The following SLC9A9 variants were observed in gnomAD, a reference collection of about 807,000 sequenced individuals.
SLC9A9 encodes sodium/hydrogen exchanger 9.
SLC9A9 carries 62 observed loss-of-function variants against 77.8 expected under a neutral mutation model. That is an observed-to-expected ratio of 0.80 (90% CI 0.65 to 0.98). The LOEUF is 0.98. Among genes scored for constraint, SLC9A9 ranks in the 50% least tolerant of loss-of-function variants. The probability of loss-of-function intolerance (pLI) is 0.00; values close to 1 mark genes in which losing one functional copy is unlikely to be tolerated. For missense variants in SLC9A9, 775 were observed against 774.9 expected (o/e 1.00, Z 0.00); for synonymous variants, 320 against 283.5 (o/e 1.13, Z -1.29).
chr3:143,698,699 C>T (rs887438651), intron 4 of SLC9A9, among the ~76,000 whole-genome samples: 1 of 150,824 alleles, frequency 6.6e-6, no homozygotes, highest in African/African-American at 2.5e-5. Context: ...CCTCCTCCTC[C>T]CTCTTCTTTT....
intron 14 of SLC9A9, among the ~76,000 whole-genome samples, chr3:143,308,691 C>A (rs772508113): frequency 2.0e-5 from 3 of 152,058 alleles, no homozygotes; most frequent in Non-Finnish European, 4.4e-5. Flanking sequence ...CTGTGAAGCT[C>A]GCCATGGTGA....
chr3:143,352,279 T>A (rs1009797022), intron 14 of SLC9A9, among the ~76,000 whole-genome samples: 2 of 152,172 alleles, frequency 1.3e-5, no homozygotes, highest in African/African-American at 4.8e-5. Flanking sequence ...AGTGAGGAAA[T>A]AAAGCTGCTA....
rs542670603 is a variant in SLC9A9, at chr3:143,491,158, C to G, written c.1315+2495G>C. 2.0e-5 allele frequency among the ~76,000 whole-genome samples: 3 copies of G among 152,216 alleles called. No homozygotes were observed. In the South Asian group the frequency reaches 6.2e-4, roughly 32 times the overall value. On this transcript the variant is annotated intron_variant, in intron 11 of 15. Transcript: ENST00000316549. ...ATGCTCAGTATGGAAAACACTGGGT[C>G]GCATTCTCTGGACATCAGAGTCATA...
intron 4 of SLC9A9, among the ~76,000 whole-genome samples, chr3:143,759,697 G>A (rs566189356): frequency 7.3e-5 from 11 of 151,610 alleles, no homozygotes; most frequent in African/African-American, 2.7e-4. Flanking sequence ...CACTTACAAT[G>A]AGAGTCAACT....
At chr3:143,647,922 G>T (rs992537012) in intron 6 of SLC9A9, among the ~76,000 whole-genome samples, 4 of 152,090 alleles carry the variant, frequency 2.6e-5, no homozygotes, top group Admixed American at 2.6e-4. Flanking sequence ...TGTAAAAATG[G>T]TTATTCTCTA....
chr3:143,781,928 G>A (rs2007895486), intron 4 of SLC9A9, among the ~76,000 whole-genome samples: 1 of 152,112 alleles, frequency 6.6e-6, no homozygotes, highest in South Asian at 2.1e-4. Context: ...TCCTTTTATT[G>A]GGGCCATTTC....
chr3:143,719,126 G>T (rs552272556), intron 4 of SLC9A9, among the ~76,000 whole-genome samples: 1 of 152,292 alleles, frequency 6.6e-6, no homozygotes, highest in South Asian at 2.1e-4. Flanking sequence ...TTACTGAGAA[G>T]CTTTATCTGT....
chr3:143,578,555 C>G (rs776204018), intron 7 of SLC9A9, 30 bp downstream of exon 7: 2 of 1,613,486 alleles, frequency 1.2e-6, no homozygotes, highest in African/African-American at 2.7e-5. Flanking sequence ...TCTTGACAGT[C>G]CCAGCTTTCC....
intron 9 of SLC9A9, chr3:143,503,192 T>A (rs537857120): frequency 1.1e-5 from 2 of 182,280 alleles, no homozygotes; most frequent in South Asian, 2.4e-4. Flanking sequence ...CTCAGTGTGG[T>A]TGGGGGGTAC....
intron 4 of SLC9A9, among the ~76,000 whole-genome samples, chr3:143,726,176 G>A (rs1364450094): frequency 6.8e-6 from 1 of 146,952 alleles, no homozygotes; most frequent in Non-Finnish European, 1.5e-5. Flanking sequence ...CATGACACAC[G>A]TTTACCTATG....
rs185358425 is a variant in SLC9A9, at chr3:143,623,892, A to C, written c.755+28363T>G. 5.9e-5 allele frequency among the ~76,000 whole-genome samples: 9 copies of C among 152,322 alleles called. No homozygotes were observed. In the East Asian group the frequency reaches 1.7e-3, roughly 29 times the overall value. ...GTAAGACTAATAAAGAAGAAAAGAG[A>C]GAAGAATCAAATAGACGCAATAAAA... is the stretch of plus-strand genomic sequence containing the variant. On this transcript the variant is annotated intron_variant, in intron 6 of 15. Transcript: ENST00000316549.
At chr3:143,837,546 A>G (rs2009598457) in intron 1 of SLC9A9, among the ~76,000 whole-genome samples, 1 of 152,186 alleles carries the variant, frequency 6.6e-6, no homozygotes, top group Admixed American at 6.5e-5. Context: ...ATATAATATC[A>G]TATTTCAAAC....
chr3:143,353,087 C>T (rs1289063746), intron 14 of SLC9A9, among the ~76,000 whole-genome samples: 1 of 152,196 alleles, frequency 6.6e-6, no homozygotes. Context: ...CACTCTGCAC[C>T]CTGTTCAGGC....
chr3:143,401,911 A>G (rs903374743), intron 12 of SLC9A9, among the ~76,000 whole-genome samples: 5 of 152,218 alleles, frequency 3.3e-5, no homozygotes, highest in Non-Finnish European at 1.5e-5. Flanking sequence ...AGATGTTAAG[A>G]GTTCTCAGAA....
At position 143,628,584 on chromosome 3, in the gene SLC9A9, A is replaced by G. The variant is rs548821255; in HGVS notation, c.755+23671T>C. ...AAATCATTACCTCAAAGCATTGTAC[A>G]TTGGAGACCATCTGTATTATAAACA... On this transcript the variant is annotated intron_variant, in intron 6 of 15. Transcript: ENST00000316549. Among the ~76,000 whole-genome samples the G allele has an allele frequency of 7.9e-5, 12 of 152,314 alleles. No homozygotes were observed. In the East Asian group the frequency reaches 1.2e-3, roughly 15 times the overall value.
chr3:143,687,667 T>C (rs557159955), intron 5 of SLC9A9, among the ~76,000 whole-genome samples: 8 of 152,234 alleles, frequency 5.3e-5, no homozygotes, highest in African/African-American at 1.7e-4. Context: ...AATCATGGAA[T>C]GTTAGATCTA....
At chr3:143,332,508 C>G (rs1184438300) in intron 14 of SLC9A9, among the ~76,000 whole-genome samples, 1 of 152,136 alleles carries the variant, frequency 6.6e-6, no homozygotes, top group Non-Finnish European at 1.5e-5. Context: ...TCAGGAAAAC[C>G]AATAGGAAAC....
chr3:143,528,269 G>C (rs759893525), intron 9 of SLC9A9, among the ~76,000 whole-genome samples: 2 of 152,178 alleles, frequency 1.3e-5, no homozygotes, highest in Non-Finnish European at 2.9e-5. Context: ...CCAGCAAAAT[G>C]GAGGTAAGAA....
At chr3:143,810,597 G>A (rs1362770958) in intron 2 of SLC9A9, among the ~76,000 whole-genome samples, 2 of 152,182 alleles carry the variant, frequency 1.3e-5, no homozygotes, top group Non-Finnish European at 2.9e-5. Flanking sequence ...TATATGCATG[G>A]GCAAATGAAA....
Sources: allele counts gnomAD v4.1 joint callset (sites outside exome capture counted in the v4.1 genomes callset), GRCh38; gene constraint gnomAD v4.1.1; transcripts MANE v1.5; gene names NCBI Gene and HGNC (gene_info 2026-07-23, HGNC 2026-07-21).